Variants in DMBT1 observed in about 807,000 individuals in gnomAD.
The protein encoded by DMBT1 is deleted in malignant brain tumors 1.
In DMBT1, 198 loss-of-function variants were observed where a neutral mutation model predicts 252.9. The observed-to-expected ratio is 0.78, with a 90% CI of 0.70 to 0.88. The LOEUF (loss-of-function observed/expected upper bound fraction) is 0.88. Among genes scored for constraint, DMBT1 ranks in the 40% least tolerant of loss-of-function variants. The probability of loss-of-function intolerance (pLI) is 0.00; values close to 1 mark genes in which losing one functional copy is unlikely to be tolerated. For synonymous variants in DMBT1, 990 were observed against 942.7 expected (o/e 1.05, Z -0.92); for missense variants, 2,432 against 2,404.7 (o/e 1.01, Z -0.24).
Position 122,633,317 on chromosome 10 carries a change from T to C in DMBT1, c.6524T>C (p.Val2175Ala). 6.2e-7 allele frequency: 1 copy of C among 1,614,028 alleles called. No homozygotes were observed. The change falls in exon 52 of 56, where the codon GTG (valine) becomes GCG (alanine). Residue 2175 changes from valine to alanine, a missense_variant. By Grantham distance (64) the Val-to-Ala change is moderately conservative. Around this residue, in one of 3 missense-constraint regions of DMBT1, gnomAD observed 1,162 missense variants for 1,169.0 expected, o/e 0.99. Transcript: ENST00000338354. ...WDIEVQNNYR[V>A]TVIFRDVQLE... ...ATTGAGGTGCAAAACAACTACCGTG[T>C]GACTGTGATCTTCAGAGATGTCCAG...
chr10:122,624,209 T>G (rs952220788), intron 44 of DMBT1, among the ~76,000 whole-genome samples: 2 of 152,136 alleles, frequency 1.3e-5, no homozygotes, highest in African/African-American at 4.8e-5. Context: ...TCCCTGCAGA[T>G]CCATGCTGAT....
intron 1 of DMBT1, among the ~76,000 whole-genome samples, chr10:122,562,131 A>C: frequency 7.0e-6 from 1 of 143,612 alleles, no homozygotes; most frequent in East Asian, 2.1e-4. Flanking sequence ...CCTTCCTTCC[A>C]TCCCTTTTTC....
At chr10:122,591,618 T>C (rs1339519216) in intron 19 of DMBT1, 101 bp downstream of exon 19, 1 of 1,293,632 alleles carries the variant, frequency 7.7e-7, no homozygotes, top group East Asian at 2.5e-5. Context: ...GCCCCTGTCT[T>C]TTTCACATCC....
intron 17 of DMBT1, among the ~76,000 whole-genome samples, chr10:122,589,728 C>T (rs556811167): frequency 1.9e-4 from 28 of 148,314 alleles, no homozygotes; most frequent in African/African-American, 5.6e-4. Flanking sequence ...GCAGAGGTCA[C>T]GTGGCAAGGG....
chr10:122,598,878 A>G lies in DMBT1; in HGVS notation c.3061A>G (p.Ser1021Gly). ...QGSWGTVCDD[S>G]WDTNDANVVC... The stretch of plus-strand genomic sequence containing the variant: ...CTCCTGGGGCACCGTGTGCGATGAC[A>G]GCTGGGACACCAATGATGCCAATGT... The change falls in exon 26 of 56, where the codon AGC becomes GGC. Residue 1021 changes from serine to glycine, a missense_variant. By Grantham distance (56) the Ser-to-Gly change is moderately conservative. Coordinates refer to ENST00000338354, the MANE Select transcript of DMBT1 (RefSeq NM_001377530.1). 1 of 1,613,862 alleles carries G rather than the reference A, an allele frequency of 6.2e-7. No homozygotes were observed. The highest frequency in any genetic ancestry group is 8.5e-7 in the Non-Finnish European group (1 of 1,179,788).
intron 8 of DMBT1, among the ~76,000 whole-genome samples, chr10:122,578,342 A>G (rs1255496859): frequency 4.6e-5 from 7 of 152,212 alleles, no homozygotes; most frequent in African/African-American, 1.4e-4. Context: ...TTCACTTACC[A>G]GGAAACCTGA....
intron 20 of DMBT1, among the ~76,000 whole-genome samples, chr10:122,593,258 G>A (rs1252910277): frequency 6.7e-6 from 1 of 148,680 alleles, no homozygotes; most frequent in Non-Finnish European, 1.5e-5. Context: ...GATTTTGGCT[G>A]GAGTGGCTTC....
At chr10:122,633,466 T>A in intron 52 of DMBT1, 125 bp downstream of exon 52, 3 of 1,469,692 alleles carry the variant, frequency 2.0e-6, no homozygotes, top group Non-Finnish European at 1.8e-6. Flanking sequence ...AGGGAATAAA[T>A]GGTGCTTAGA....
chr10:122,561,067 T>C (rs757209329), intron 1 of DMBT1, among the ~76,000 whole-genome samples: 7 of 152,244 alleles, frequency 4.6e-5, no homozygotes, highest in Non-Finnish European at 8.8e-5. Context: ...GTCAATGTTT[T>C]CAGTAAGTCA....
chr10:122,591,638 G>A (rs1374483572), intron 19 of DMBT1, 121 bp downstream of exon 19: 1 of 1,141,498 alleles, frequency 8.8e-7, no homozygotes, highest in South Asian at 1.6e-5. Flanking sequence ...CCTGTGCGCT[G>A]AGTGGGAGGA....
At chr10:122,641,508 AGTAG>A (rs1844526762) in intron 55 of DMBT1, among the ~76,000 whole-genome samples, 1 of 152,174 alleles carries the variant, frequency 6.6e-6, no homozygotes, top group Non-Finnish European at 1.5e-5. Context: ...ATGTCAGTTC[AGTAG>A]GTAGGTGTTG....
chr10:122,640,108 G>C lies in DMBT1; in HGVS notation c.7011G>C (p.Arg2337Ser). ...CTGTCTCAGGTGGCATCATCAAGAG[G>C]AGGACAGACCTCCGTATTCACGTCA... ...TAAVSGGIIK[R>S]RTDLRIHVSC... Residue 2337 changes from arginine (R) to serine (S), a missense_variant, in exon 55 of 56, where the codon AGG (arginine) becomes AGC (serine). By Grantham distance (110) the Arg-to-Ser change is moderately radical. This residue lies in a region of DMBT1 where 1,162 missense variants were observed against 1,169.0 expected (regional missense o/e 0.99). Coordinates refer to ENST00000338354, the MANE Select transcript of DMBT1 (RefSeq NM_001377530.1). 1 of 1,614,034 alleles carries C rather than the reference G, an allele frequency of 6.2e-7. No homozygotes were observed. The highest frequency in any genetic ancestry group is 8.5e-7 in the Non-Finnish European group (1 of 1,179,904).
intron 48 of DMBT1, among the ~76,000 whole-genome samples, 184 bp downstream of exon 48, chr10:122,630,674 G>T (rs2098156074): frequency 6.6e-6 from 1 of 152,180 alleles, no homozygotes. Context: ...CAGACTGGGG[G>T]TTCCACCTGG....
At position 122,640,216 on chromosome 10, in the gene DMBT1, G is replaced by T; in HGVS notation, c.7119G>T (p.Gln2373His). 6 of 1,614,026 alleles carry T rather than the reference G, an allele frequency of 3.7e-6. No individual in the cohort carries two copies. Among genetic ancestry groups the T allele is most frequent in the Non-Finnish European group, 5.1e-6 (6 of 1,179,900 alleles). The change falls in exon 55 of 56, where the codon CAG becomes CAT. Residue 2373 changes from glutamine (Q) to histidine (H), a missense_variant. Physicochemically the swap from Gln to His is conservative, Grantham distance 24. Coordinates refer to ENST00000338354, the MANE Select transcript of DMBT1 (RefSeq NM_001377530.1). ...TCCACGTTGCTAATAACACCATCCA[G>T]GTCGAGGAAGTCCAGTATGGCAATT... ...DTIHVANNTI[Q>H]VEEVQYGNFD...
chr10:122,596,960 C>T, intron 23 of DMBT1, 65 bp from the exon 24 acceptor site: 2 of 430,028 alleles, frequency 4.7e-6, no homozygotes, highest in Non-Finnish European at 7.8e-6. Flanking sequence ...TAGTTCCTTC[C>T]ACCTTTGTTC....
At chr10:122,599,960 G>T (rs1237398311) in intron 26 of DMBT1, 104 bp from the exon 27 acceptor site, 11 of 1,481,978 alleles carry the variant, frequency 7.4e-6, no homozygotes, top group South Asian at 1.1e-5. Flanking sequence ...ATAGGAACTA[G>T]GATGGACTGA....
intron 55 of DMBT1, among the ~76,000 whole-genome samples, chr10:122,642,769 C>G (rs1314175166): frequency 2.0e-5 from 3 of 152,180 alleles, no homozygotes; most frequent in Non-Finnish European, 4.4e-5. Context: ...CGCTCCTGGG[C>G]TCCAAACTCC....
Position 122,589,091 on chromosome 10 carries a change from G to A in DMBT1, c.1931G>A (p.Gly644Asp), listed in dbSNP as rs372577890. ...NDANVVCRQL[G>D]CGWATSAPGN... ...GCCAATGTGGTCTGCAGGCAGCTGG[G>A]CTGTGGCTGGGCCACGTCAGCCCCA... The change falls in exon 17 of 56, where the codon GGC becomes GAC. Residue 644 changes from glycine (G) to aspartate (D), a missense_variant. Physicochemically the swap from Gly to Asp is moderately conservative, Grantham distance 94 (BLOSUM62 -1). This residue lies in a region of DMBT1 where 1,264 missense variants were observed against 1,082.2 expected (regional missense o/e 1.17). Transcript: ENST00000338354. 6.4e-5 allele frequency: 102 copies of A among 1,588,652 alleles called. 14 individuals are homozygous for A. The highest frequency in any genetic ancestry group is 8.7e-5 in the Non-Finnish European group (101 of 1,165,930).
At chr10:122,591,874 G>C (rs2097851937) in intron 19 of DMBT1, among the ~76,000 whole-genome samples, 1 of 149,186 alleles carries the variant, frequency 6.7e-6, no homozygotes, top group African/African-American at 2.4e-5. Flanking sequence ...CAGTTGTCTG[G>C]CCAATGTGTT....
Sources: gnomAD v4.1 joint callset for allele counts (sites outside exome capture counted in the v4.1 genomes callset) on GRCh38, gnomAD v4.1.1 for gene constraint, gnomAD v4.1.1 regional missense constraint, MANE v1.5 for transcripts, NCBI Gene and HGNC (gene_info 2026-07-23, HGNC 2026-07-21) for gene names.